Variants in CDK5RAP3 observed in about 807,000 individuals in gnomAD.
CDK5RAP3 encodes CDK5 regulatory subunit-associated protein 3.
Under a neutral mutation model 73.3 loss-of-function variants are expected in CDK5RAP3, and 58 were observed. That is an observed-to-expected ratio of 0.79 (90% CI 0.64 to 0.98). The LOEUF (loss-of-function observed/expected upper bound fraction) is 0.98, where lower values mean the gene tolerates loss of function less well. Ranked by LOEUF, CDK5RAP3 falls within the 50% of genes least tolerant of loss-of-function variation. The pLI is 0.00. For missense variants in CDK5RAP3, 525 were observed against 615.8 expected (o/e 0.85, Z 1.56); for synonymous variants, 224 against 247.5 (o/e 0.91, Z 0.89).
At chr17:47,968,317 C>CAT (rs1042661955), upstream of CDK5RAP3, among the ~76,000 whole-genome samples, 18 of 151,860 alleles carry the variant, frequency 1.2e-4, no homozygotes, top group South Asian at 1.7e-3. Flanking sequence ...TCATATATGA[C>CAT]ATATATATAT....
Position 47,971,334 on chromosome 17 carries a change from C to T in CDK5RAP3, c.7-28C>T, listed in dbSNP as rs1364278092. ...GGTACGTCCTCTCTCCGCGCTCACG[C>T]CCCCCTCCTCACCGTGTTTCCCGCC... On this transcript the variant is annotated intron_variant, in intron 1 of 13. Coordinates refer to ENST00000338399, the MANE Select transcript of CDK5RAP3 (RefSeq NM_176096.3). 8.1e-6 allele frequency: 13 copies of T among 1,605,582 alleles called. No homozygotes were observed. In the Middle Eastern group the frequency reaches 2.0e-3, roughly 245 times the overall value.
chr17:47,975,584 C>G lies in CDK5RAP3; in HGVS notation c.584C>G (p.Ala195Gly). 1 of 1,609,784 alleles carries G rather than the reference C, an allele frequency of 6.2e-7. No homozygotes were observed. The highest frequency in any genetic ancestry group is 8.5e-7 in the Non-Finnish European group (1 of 1,180,002). Residue 195 changes from alanine to glycine, a missense_variant, in exon 7 of 14, where the codon GCA becomes GGA. By Grantham distance (60) the Ala-to-Gly change is moderately conservative (BLOSUM62 0). Coordinates refer to ENST00000338399, the MANE Select transcript of CDK5RAP3 (RefSeq NM_176096.3). ...CCGAGTCAGCTGGCTGAGATTGGGG[C>G]AGCGGCTCAGCAGTCCCTGGGGGAA... ...DLPSQLAEIG[A>G]AAQQSLGEAI...
chr17:47,968,911 A>G (rs994700562), upstream of CDK5RAP3, among the ~76,000 whole-genome samples: 5 of 151,866 alleles, frequency 3.3e-5, no homozygotes, highest in African/African-American at 7.3e-5. Context: ...CAGCCTCCCA[A>G]AAGTGCTGGG....
chr17:47,974,939 C>T, intron 5 of CDK5RAP3: 1 of 1,419,428 alleles, frequency 7.0e-7, no homozygotes. Flanking sequence ...CATGTGGATT[C>T]TCTCTTGCAT....
chr17:47,980,689 G>C lies in CDK5RAP3; in HGVS notation c.1174G>C (p.Gly392Arg). Reference sequence around the variant, plus strand: ...CCAGCTGGCTCCAGCCATCCTGCAGGGCCAGACCAAAGAGAAGATGGTTAC... The same window carrying C: ...CCAGCTGGCTCCAGCCATCCTGCAGCGCCAGACCAAAGAGAAGATGGTTAC... ...QFQLAPAILQ[G>R]QTKEKMVTMV... The change falls in exon 12 of 14, where the codon GGC (glycine) becomes CGC (arginine). Residue 392 changes from glycine to arginine, a missense_variant. By Grantham distance (125) the Gly-to-Arg change is moderately radical. Around this residue, in one of 2 missense-constraint regions of CDK5RAP3, gnomAD observed 116 missense variants for 186.1 expected, o/e 0.62. Coordinates refer to ENST00000338399, the MANE Select transcript of CDK5RAP3 (RefSeq NM_176096.3). The C allele has an allele frequency of 6.2e-7, 1 of 1,614,126 alleles. No homozygotes were observed. Among genetic ancestry groups the C allele is most frequent in the Non-Finnish European group, 8.5e-7 (1 of 1,180,020 alleles).
chr17:47,977,644 A>G (rs2036446743), intron 9 of CDK5RAP3, among the ~76,000 whole-genome samples, 188 bp from the exon 10 acceptor site: 1 of 152,158 alleles, frequency 6.6e-6, no homozygotes, highest in South Asian at 2.1e-4. Context: ...GGGTAAAGGC[A>G]GGTGGGAACA....
intron 2 of CDK5RAP3, among the ~76,000 whole-genome samples, chr17:47,971,643 A>ATATGT (rs1379972222): frequency 6.6e-6 from 1 of 152,190 alleles, no homozygotes; most frequent in African/African-American, 2.4e-5. Context: ...TTATCGTATC[A>ATATGT]TTCAGGGACA....
intron 5 of CDK5RAP3, 64 bp downstream of exon 5, chr17:47,974,512 T>C (rs974643235): frequency 2.0e-5 from 32 of 1,613,182 alleles, no homozygotes; most frequent in Non-Finnish European, 2.3e-5. Context: ...AGTTCTGAGA[T>C]ACCAGGCTTA....
At chr17:47,973,695 T>C (rs2036322736) in intron 3 of CDK5RAP3, 45 bp downstream of exon 3, 1 of 1,605,424 alleles carries the variant, frequency 6.2e-7, no homozygotes, top group Admixed American at 1.7e-5. Flanking sequence ...TTTGCTGAGG[T>C]AGTATGTATC....
Position 47,971,375 on chromosome 17 carries a change from T to A in CDK5RAP3, c.20T>A (p.Val7Glu). 1 of 1,610,562 alleles carries A rather than the reference T, an allele frequency of 6.2e-7. No homozygotes were observed. Among genetic ancestry groups the A allele is most frequent in the South Asian group, 1.1e-5 (1 of 90,170 alleles). The change falls in exon 2 of 14, where the codon GTG (valine) becomes GAG (glutamate). Residue 7 changes from valine to glutamate, a missense_variant. By Grantham distance (121) the Val-to-Glu change is moderately radical. This residue lies in a region of CDK5RAP3 where 409 missense variants were observed against 429.8 expected (regional missense o/e 0.95). Transcript: ENST00000338399. MEDHQH[V>E]PIDIQTSKLL... The stretch of plus-strand genomic sequence containing the variant: ...GTTTCCCGCCAGGACCATCAGCACG[T>A]GCCCATCGACATCCAGACCAGCAAG...
intron 10 of CDK5RAP3, 24 bp from the exon 11 acceptor site, chr17:47,978,805 C>G (rs762473690): frequency 1.3e-5 from 21 of 1,586,246 alleles, no homozygotes; most frequent in Non-Finnish European, 1.7e-5. Context: ...GATCCTTTAT[C>G]ACTTCTCTGT....
At chr17:47,975,684 G>C in intron 7 of CDK5RAP3, 31 bp downstream of exon 7, 1 of 1,577,384 alleles carries the variant, frequency 6.3e-7, no homozygotes, top group Non-Finnish European at 8.6e-7. Context: ...CCTGGTGGGG[G>C]TGCTTTGCCT....
intron 5 of CDK5RAP3, chr17:47,974,946 G>C (rs2036362968): frequency 1.4e-6 from 2 of 1,428,486 alleles, no homozygotes; most frequent in Non-Finnish European, 1.8e-6. Context: ...ATTCTCTCTT[G>C]CATCTTCATG....
rs376202323 is a variant in CDK5RAP3 at position 47,980,707 on chromosome 17, A to G, written c.1192A>G (p.Met398Val). Residue 398 changes from methionine (M) to valine (V), a missense_variant, in exon 12 of 14, where the codon ATG (methionine) becomes GTG (valine). Transcript: ENST00000338399. Reference protein sequence around the residue: ...AILQGQTKEKMVTMVSVLEDL... With the variant: ...AILQGQTKEKVVTMVSVLEDL... ...CCTGCAGGGCCAGACCAAAGAGAAG[A>G]TGGTTACCATGGTGTCAGTGCTGGA... is the stretch of plus-strand genomic sequence containing the variant. The G allele has an allele frequency of 1.9e-6, 3 of 1,614,172 alleles. No homozygotes were observed. Among genetic ancestry groups the G allele is most frequent in the Non-Finnish European group, 2.5e-6 (3 of 1,180,028 alleles).
Position 47,975,326 on chromosome 17 carries a change from T to C in CDK5RAP3, c.502T>C (p.Tyr168His). The C allele has an allele frequency of 1.2e-6, 2 of 1,613,982 alleles. No homozygotes were observed. The highest frequency in any genetic ancestry group is 1.7e-6 in the Non-Finnish European group (2 of 1,179,942). ...GCAGTTCTACCACTCCTGCAAGCAG[T>C]ATGGCATCACGGTGAGCGGCGGCAG... The part of the protein sequence containing the change: ...REQFYHSCKQ[Y>H]GITGENVRGE... The change falls in exon 6 of 14, where the codon TAT (tyrosine) becomes CAT (histidine). Residue 168 changes from tyrosine (Y) to histidine (H), a missense_variant. Tyr to His is a moderately conservative substitution (Grantham distance 83, BLOSUM62 2). Around this residue, in one of 2 missense-constraint regions of CDK5RAP3, gnomAD observed 409 missense variants for 429.8 expected, o/e 0.95. Transcript: ENST00000338399.
At chr17:47,969,422 T>G (rs376580712), upstream of CDK5RAP3, among the ~76,000 whole-genome samples, 932 of 151,706 alleles carry the variant, frequency 6.1e-3, 9 homozygotes, top group African/African-American at 0.022. Context: ...CCGGGCGTGG[T>G]GGCGGGCGCC....
Position 47,975,735 on chromosome 17 carries a change from C to T in CDK5RAP3, c.653+82C>T. ...TGACCCTTCTCCAGTTGTCTTGTTC[C>T]CATATAACATTTGAACTCTTTACAC... is the stretch of plus-strand genomic sequence containing the variant. On this transcript the variant is annotated intron_variant, in intron 7 of 13. Coordinates refer to ENST00000338399, the MANE Select transcript of CDK5RAP3 (RefSeq NM_176096.3). 1.9e-6 allele frequency: 3 copies of T among 1,566,870 alleles called. No individual in the cohort carries two copies. The South Asian group carries it at 3.6e-5, about 19-fold the overall frequency.
upstream of CDK5RAP3, chr17:47,970,758 C>T (rs147578725): frequency 1.1e-3 from 1,745 of 1,518,628 alleles, 19 homozygotes; most frequent in African/African-American, 0.022. Flanking sequence ...GGCGCTAGGA[C>T]CCCGCCAGCA....
chr17:47,974,774 A>G (rs1014633319), intron 5 of CDK5RAP3: 18 of 1,283,944 alleles, frequency 1.4e-5, no homozygotes, highest in African/African-American at 1.2e-4. Context: ...ATTCTACACA[A>G]GGCAGAAGAG....
Sources: allele counts gnomAD v4.1 joint callset (sites outside exome capture counted in the v4.1 genomes callset), GRCh38; gene constraint gnomAD v4.1.1; regional missense constraint gnomAD v4.1.1; transcripts MANE v1.5; gene names NCBI Gene and HGNC (gene_info 2026-07-23, HGNC 2026-07-21).